Variants in CADM2 observed in about 807,000 individuals in gnomAD.
CADM2 encodes the protein cell adhesion molecule 2, also known as immunoglobulin superfamily member 4D.
CADM2 carries 12 observed loss-of-function variants against 49.8 expected under a neutral mutation model. That is an observed-to-expected ratio of 0.24 (90% CI 0.15 to 0.39). The LOEUF (loss-of-function observed/expected upper bound fraction) is 0.39, where lower values mean the gene tolerates loss of function less well. CADM2 is among the 10% of genes least tolerant of loss of function. CADM2 has a pLI of 1.00. For missense variants in CADM2, 378 were observed against 492.3 expected (o/e 0.77, Z 2.20); for synonymous variants, 214 against 175.4 (o/e 1.22, Z -1.74).
At chr3:85,631,188 T>G (rs1283340737) in intron 1 of CADM2, among the ~76,000 whole-genome samples, 1 of 152,054 alleles carries the variant, frequency 6.6e-6, no homozygotes, top group Non-Finnish European at 1.5e-5. Flanking sequence ...AAACATCATC[T>G]CTTCAGAGAA....
chr3:85,094,196 A>C (rs556312783), intron 1 of CADM2, among the ~76,000 whole-genome samples: 1 of 152,184 alleles, frequency 6.6e-6, no homozygotes, highest in Non-Finnish European at 1.5e-5. Flanking sequence ...AATAGGAAAC[A>C]AACATGTATT....
At position 85,254,274 on chromosome 3, in the gene CADM2, C is replaced by T. The variant is rs373735139; in HGVS notation, c.61+294606C>T. ...TGGGAAGGGGTGTGGAGTTTCCATGCCCTGTCTAGGGCACCACCCTAAAGG... is the reference window on the plus strand; with the variant it reads ...TGGGAAGGGGTGTGGAGTTTCCATGTCCTGTCTAGGGCACCACCCTAAAGG... On this transcript the variant is annotated intron_variant, in intron 1 of 9. Coordinates refer to ENST00000383699, the MANE Select transcript of CADM2 (RefSeq NM_001167675.2). Among the ~76,000 whole-genome samples the T allele has an allele frequency of 2.6e-3, 401 of 152,076 alleles. 1 individual carries two copies. Among genetic ancestry groups the T allele is most frequent in the African/African-American group, 6.6e-3 (272 of 41,508 alleles).
rs1367374599 is a variant in CADM2, at chr3:85,851,575, G to A, written c.239-31716G>A. On this transcript the variant is annotated intron_variant, in intron 3 of 9. Coordinates refer to ENST00000383699, the MANE Select transcript of CADM2 (RefSeq NM_001167675.2). ...TATCATTTTTCATGAATTTAAGTCC[G>A]AGAATAAGCACAGCTTAATATAAAT... 4.0e-5 allele frequency among the ~76,000 whole-genome samples: 6 copies of A among 150,020 alleles called. No homozygotes were observed. In the South Asian group the frequency reaches 6.4e-4, roughly 16 times the overall value.
intron 3 of CADM2, among the ~76,000 whole-genome samples, chr3:85,880,043 C>T (rs906368384): frequency 3.1e-4 from 47 of 152,144 alleles, no homozygotes; most frequent in East Asian, 1.9e-4. Flanking sequence ...GGCAACCAAA[C>T]GCTGTTCTCT....
At chr3:84,963,143 A>G (rs1216997095) in intron 1 of CADM2, among the ~76,000 whole-genome samples, 1 of 152,150 alleles carries the variant, frequency 6.6e-6, no homozygotes, top group African/African-American at 2.4e-5. Context: ...AAATAGCAAA[A>G]TTTCATTTGG....
intron 2 of CADM2, among the ~76,000 whole-genome samples, chr3:85,795,165 G>C (rs538851016): frequency 1.8e-4 from 28 of 151,870 alleles, no homozygotes; most frequent in Middle Eastern, 3.4e-3. Context: ...ATTAATTATG[G>C]TTACCTGGTA....
At chr3:85,807,151 T>G (rs1208254512) in intron 3 of CADM2, among the ~76,000 whole-genome samples, 1 of 152,162 alleles carries the variant, frequency 6.6e-6, no homozygotes, top group Non-Finnish European at 1.5e-5. Context: ...TCTTGGCAGC[T>G]TACTTTTGTT....
chr3:85,057,813 G>C (rs1408757058), intron 1 of CADM2, among the ~76,000 whole-genome samples: 1 of 152,128 alleles, frequency 6.6e-6, no homozygotes, highest in Admixed American at 6.6e-5. Context: ...TTCACATCTT[G>C]TTTCTAGAAA....
intron 1 of CADM2, among the ~76,000 whole-genome samples, chr3:85,566,115 T>TA (rs761706141): frequency 5.2e-4 from 79 of 152,282 alleles, no homozygotes; most frequent in African/African-American, 1.9e-3. Context: ...CAAATACTGC[T>TA]AATACAAATA....
intron 1 of CADM2, among the ~76,000 whole-genome samples, chr3:85,188,348 A>G (rs1054148631): frequency 2.6e-5 from 4 of 152,298 alleles, no homozygotes; most frequent in Middle Eastern, 3.4e-3. Context: ...CTATGTTTCT[A>G]TCAAATGAGC....
chr3:85,510,105 C>T (rs531181742), intron 1 of CADM2, among the ~76,000 whole-genome samples: 69 of 151,976 alleles, frequency 4.5e-4, no homozygotes, highest in Middle Eastern at 3.4e-3. Context: ...TAAGCAAAAT[C>T]ACTCCATGAA....
At chr3:84,978,379 A>T (rs1488912259) in intron 1 of CADM2, among the ~76,000 whole-genome samples, 3 of 152,150 alleles carry the variant, frequency 2.0e-5, no homozygotes, top group Non-Finnish European at 4.4e-5. Flanking sequence ...AATATTCTTT[A>T]CATTTTGAGC....
At chr3:85,587,814 G>T (rs2062987178) in intron 1 of CADM2, among the ~76,000 whole-genome samples, 4 of 151,762 alleles carry the variant, frequency 2.6e-5, no homozygotes, top group Admixed American at 2.6e-4. Flanking sequence ...GTATGATCTT[G>T]GCTCACTGCA....
intron 7 of CADM2, among the ~76,000 whole-genome samples, chr3:85,946,275 A>G (rs1294707415): frequency 1.3e-5 from 2 of 150,772 alleles, no homozygotes; most frequent in Non-Finnish European, 2.9e-5. Flanking sequence ...CAACTAAATA[A>G]AAGAGGACAC....
At position 85,368,381 on chromosome 3, in the gene CADM2, A is replaced by T. The variant is rs139448776; in HGVS notation, c.62-358141A>T. 2.8e-3 allele frequency among the ~76,000 whole-genome samples: 423 copies of T among 152,170 alleles called. 1 individual carries two copies. The Middle Eastern group carries it at 0.041, about 15-fold the overall frequency. On this transcript the variant is annotated intron_variant, in intron 1 of 9. Coordinates refer to ENST00000383699, the MANE Select transcript of CADM2 (RefSeq NM_001167675.2). ...ATGATTAGAGGGGAGTGGGCTAAGC[A>T]TTGCGTGGGCCAATATTATTTCCAG...
intron 3 of CADM2, among the ~76,000 whole-genome samples, chr3:85,845,461 A>G (rs1474101243): frequency 3.9e-5 from 6 of 152,278 alleles, no homozygotes; most frequent in Middle Eastern, 3.4e-3. Flanking sequence ...TGTTTCTTTC[A>G]TGAAGGAAGT....
At chr3:85,481,868 AT>A (rs1559862037) in intron 1 of CADM2, among the ~76,000 whole-genome samples, 1 of 149,846 alleles carries the variant, frequency 6.7e-6, no homozygotes, top group African/African-American at 2.5e-5. Context: ...TGAACACTCT[AT>A]TGATGTTATT....
chr3:85,319,680 C>T (rs375202980), intron 1 of CADM2, among the ~76,000 whole-genome samples: 2 of 152,192 alleles, frequency 1.3e-5, no homozygotes, highest in East Asian at 1.9e-4. Context: ...CCTTAGCAAA[C>T]GTATGCAGGA....
intron 2 of CADM2, among the ~76,000 whole-genome samples, chr3:85,730,614 C>T (rs978530746): frequency 2.6e-5 from 4 of 152,046 alleles, no homozygotes; most frequent in Non-Finnish European, 4.4e-5. Context: ...ACAAGATCAT[C>T]ACTGCTTTGC....
Sources: gnomAD v4.1 joint callset for allele counts (sites outside exome capture counted in the v4.1 genomes callset) on GRCh38, gnomAD v4.1.1 for gene constraint, MANE v1.5 for transcripts, NCBI Gene and HGNC (gene_info 2026-07-23, HGNC 2026-07-21) for gene names.